Variants in THSD4 observed in about 807,000 individuals in gnomAD.
THSD4 encodes the protein thrombospondin type 1 domain containing 4.
THSD4 carries 69 observed loss-of-function variants against 119.0 expected under a neutral mutation model. The ratio of observed to expected loss-of-function variants is 0.58; its 90% confidence interval spans 0.48 to 0.71. The LOEUF is 0.71. Among genes scored for constraint, THSD4 ranks in the 30% least tolerant of loss-of-function variants. The pLI is 0.00. For synonymous variants in THSD4, 524 were observed against 540.4 expected (o/e 0.97, Z 0.42); for missense variants, 1,393 against 1,391.1 (o/e 1.00, Z -0.02).
chr15:71,251,496 C>A (rs2044258530), intron 5 of THSD4, among the ~76,000 whole-genome samples: 1 of 152,158 alleles, frequency 6.6e-6, no homozygotes, highest in South Asian at 2.1e-4. Context: ...ATGTTTTTCC[C>A]AAGGTCACAC....
At chr15:71,316,759 G>A (rs1448977276) in intron 6 of THSD4, among the ~76,000 whole-genome samples, 12 of 152,168 alleles carry the variant, frequency 7.9e-5, no homozygotes, top group Non-Finnish European at 1.8e-4. Context: ...CTGGCTGGAA[G>A]ATTTATGTTC....
intron 15 of THSD4, among the ~76,000 whole-genome samples, chr15:71,764,207 C>G (rs780717442): frequency 4.6e-5 from 7 of 152,234 alleles, no homozygotes; most frequent in Non-Finnish European, 1.0e-4. Context: ...GATCACACCA[C>G]TACACTCCAG....
chr15:71,549,036 G>T (rs2048885643), intron 7 of THSD4, among the ~76,000 whole-genome samples: 1 of 152,208 alleles, frequency 6.6e-6, no homozygotes, highest in Non-Finnish European at 1.5e-5. Flanking sequence ...CCCTAGCCTT[G>T]TGTCACATGC....
At chr15:71,566,326 T>G (rs1414725222) in intron 7 of THSD4, among the ~76,000 whole-genome samples, 1 of 152,160 alleles carries the variant, frequency 6.6e-6, no homozygotes, top group East Asian at 1.9e-4. Context: ...CCCAGAAGTC[T>G]GTGGTCAGAG....
chr15:71,231,518 C>G (rs2044061408), intron 4 of THSD4, among the ~76,000 whole-genome samples: 1 of 152,210 alleles, frequency 6.6e-6, no homozygotes, highest in Non-Finnish European at 1.5e-5. Flanking sequence ...CTGAATCCAT[C>G]TGTGAAAAGA....
At chr15:71,113,286 A>C (rs1184855524), upstream of THSD4, among the ~76,000 whole-genome samples, 3 of 152,236 alleles carry the variant, frequency 2.0e-5, no homozygotes, top group African/African-American at 7.2e-5. Flanking sequence ...AATTTGACCA[A>C]GGTTGAAAAT....
chr15:71,349,376 G>A (rs916644283), intron 6 of THSD4, among the ~76,000 whole-genome samples: 14 of 152,050 alleles, frequency 9.2e-5, no homozygotes, highest in African/African-American at 2.7e-4. Context: ...ATTCACATGC[G>A]TACATTTGCA....
chr15:71,205,257 G>GT lies in THSD4; in HGVS notation c.100-9778_100-9777insT, dbSNP rs141040716. ...GGGCAGGGGCATGTCCACGTGTTCA[G>GT]GGTATACACTCAATAACATATACTT... On this transcript the variant is annotated intron_variant, in intron 3 of 17. Coordinates refer to ENST00000261862, the MANE Select transcript of THSD4 (RefSeq NM_024817.3). Among the ~76,000 whole-genome samples, 855 of 152,300 alleles carry GT rather than the reference G, an allele frequency of 5.6e-3. 5 individuals carry two copies. Among genetic ancestry groups the GT allele is most frequent in the African/African-American group, 0.02 (819 of 41,546 alleles).
At chr15:71,416,146 C>G (rs915435354) in intron 7 of THSD4, among the ~76,000 whole-genome samples, 2 of 152,152 alleles carry the variant, frequency 1.3e-5, no homozygotes, top group Non-Finnish European at 2.9e-5. Context: ...ATAATGACCT[C>G]CAGTTCCATC....
intron 8 of THSD4, among the ~76,000 whole-genome samples, chr15:71,673,252 C>T (rs2051570042): frequency 6.6e-6 from 1 of 152,176 alleles, no homozygotes; most frequent in South Asian, 2.1e-4. Flanking sequence ...TCCATTTCTT[C>T]TAGATTTTCT....
At chr15:71,602,002 A>C (rs1157321896) in intron 7 of THSD4, among the ~76,000 whole-genome samples, 3 of 152,150 alleles carry the variant, frequency 2.0e-5, no homozygotes, top group Non-Finnish European at 2.9e-5. Context: ...TATTCTGGAG[A>C]AGACTTCACA....
chr15:71,730,849 C>T (rs2052963322), intron 9 of THSD4: 2 of 425,968 alleles, frequency 4.7e-6, no homozygotes, highest in South Asian at 2.6e-5. Flanking sequence ...TACCGTTGCT[C>T]CATCTTCTCC....
upstream of THSD4, among the ~76,000 whole-genome samples, chr15:71,113,057 C>T (rs563838451): frequency 1.4e-4 from 21 of 152,232 alleles, no homozygotes; most frequent in South Asian, 1.5e-3. Flanking sequence ...AATGTGGTGG[C>T]GCACGCCTGT....
intron 6 of THSD4, among the ~76,000 whole-genome samples, chr15:71,310,090 G>A (rs1596328795): frequency 6.6e-6 from 1 of 152,194 alleles, no homozygotes; most frequent in East Asian, 1.9e-4. Context: ...AGTATTAGGA[G>A]GTGATTTTCA....
At chr15:71,533,200 CCTT>C (rs1336559477) in intron 7 of THSD4, among the ~76,000 whole-genome samples, 1 of 152,208 alleles carries the variant, frequency 6.6e-6, no homozygotes, top group Non-Finnish European at 1.5e-5. Flanking sequence ...CTTCGTTACT[CCTT>C]CTTATTACGT....
intron 7 of THSD4, among the ~76,000 whole-genome samples, chr15:71,630,425 A>G (rs2050603668): frequency 2.0e-5 from 3 of 152,330 alleles, no homozygotes; most frequent in South Asian, 2.1e-4. Context: ...ACATTTGTTT[A>G]TATTTTACCC....
chr15:71,408,960 T>C (rs185261455), intron 6 of THSD4, among the ~76,000 whole-genome samples: 2 of 152,152 alleles, frequency 1.3e-5, no homozygotes, highest in African/African-American at 2.4e-5. Context: ...GGCAACAGGA[T>C]GCCAGGTAGT....
At chr15:71,469,982 A>G (rs778313893) in intron 7 of THSD4, among the ~76,000 whole-genome samples, 10 of 152,214 alleles carry the variant, frequency 6.6e-5, no homozygotes, top group Non-Finnish European at 1.5e-4. Context: ...GCTGGATTTT[A>G]ACATATAAAT....
chr15:71,531,362 G>A (rs2048607212), intron 7 of THSD4, among the ~76,000 whole-genome samples: 1 of 152,126 alleles, frequency 6.6e-6, no homozygotes, highest in African/African-American at 2.4e-5. Flanking sequence ...AATAGACAAG[G>A]TAGAAGCCCA....
Sources: gnomAD v4.1 joint callset for allele counts (sites outside exome capture counted in the v4.1 genomes callset) on GRCh38, gnomAD v4.1.1 for gene constraint, MANE v1.5 for transcripts, NCBI Gene and HGNC (gene_info 2026-07-23, HGNC 2026-07-21) for gene names.